NOL7: variants seen among roughly 807,000 people sequenced by gnomAD.
NOL7 encodes the protein U3 small nucleolar RNA-associated protein NOL7.
In NOL7, 36 loss-of-function variants were observed where a neutral mutation model predicts 38.4. That is an observed-to-expected ratio of 0.94 (90% CI 0.72 to 1.24). The LOEUF is 1.24. NOL7 is among the 50% of genes most tolerant of loss of function. NOL7 has a pLI of 0.00. For synonymous variants in NOL7, 142 were observed against 126.5 expected (o/e 1.12, Z -0.82); for missense variants, 350 against 315.1 (o/e 1.11, Z -0.84).
intron 7 of NOL7, 66 bp downstream of exon 7, chr6:13,620,551 A>G: frequency 6.9e-7 from 1 of 1,459,292 alleles, no homozygotes; most frequent in Non-Finnish European, 9.6e-7. Flanking sequence ...CTTTTGAAGG[A>G]GATAGTTCAT....
At chr6:13,630,207 G>A (rs1459429015) in intron 8 of NOL7, among the ~76,000 whole-genome samples, 2 of 152,162 alleles carry the variant, frequency 1.3e-5, no homozygotes, top group Non-Finnish European at 2.9e-5. Context: ...GCAGCTCAGA[G>A]TATTAAGAAA....
chr6:13,620,657 C>A, intron 7 of NOL7, 97 bp from the exon 8 acceptor site: 1 of 984,548 alleles, frequency 1.0e-6, no homozygotes, highest in South Asian at 1.6e-5. Context: ...TATAATAAGC[C>A]CACCCAGTTT....
At chr6:13,625,767 G>A, downstream of NOL7, 1 of 1,572,094 alleles carries the variant, frequency 6.4e-7, no homozygotes, top group Non-Finnish European at 8.8e-7. Context: ...AATGCATCCT[G>A]TTGAAAACAC....
At position 13,615,423 on chromosome 6, in the gene NOL7, G is replaced by T; in HGVS notation, c.65G>T (p.Gly22Val). 1.3e-6 allele frequency: 2 copies of T among 1,547,178 alleles called. No individual in the cohort carries two copies. Among genetic ancestry groups the T allele is most frequent in the Non-Finnish European group, 1.7e-6 (2 of 1,145,838 alleles). Residue 22 changes from glycine (G) to valine (V), a missense_variant, in exon 1 of 8, where the codon GGC becomes GTC. By Grantham distance (109) the Gly-to-Val change is moderately radical. Coordinates refer to ENST00000451315, the MANE Select transcript of NOL7 (RefSeq NM_016167.5). ...PASAEAMVDE[G>V]QLASEEEEAE... ...TCGGCGGAGGCGATGGTGGACGAGGGCCAGCTGGCCTCGGAGGAGGAGGAG... is the reference window on the plus strand; with the variant it reads ...TCGGCGGAGGCGATGGTGGACGAGGTCCAGCTGGCCTCGGAGGAGGAGGAG...
In NOL7 at chr6:13,616,453, A is replaced by G. The variant is rs1255308642; in HGVS notation, c.328-10A>G. 3 of 1,595,924 alleles carry G rather than the reference A, an allele frequency of 1.9e-6. No individual in the cohort carries two copies. The highest frequency in any genetic ancestry group is 2.6e-6 in the Non-Finnish European group (3 of 1,168,224). ...CTTTCTATTAATTTTAAACGTTTTC[A>G]TTCCAAAAGAAAAGAAAACTCCTTC... On this transcript the variant is annotated splice_polypyrimidine_tract_variant and intron_variant, in intron 2 of 7. Transcript: ENST00000451315.
intron 8 of NOL7, among the ~76,000 whole-genome samples, chr6:13,629,388 GATACATGCACATGGGAGTTAAGGCACA>G (rs1384455923): frequency 6.6e-6 from 1 of 152,198 alleles, no homozygotes; most frequent in Admixed American, 6.5e-5. Context: ...AGCTAGTTAA[GATACATGCACATGGGAGTTAAGGCACA>G]AAACTGAAAA....
downstream of NOL7, among the ~76,000 whole-genome samples, chr6:13,623,776 T>G (rs114613025): frequency 5.6e-3 from 854 of 152,330 alleles, 12 homozygotes; most frequent in African/African-American, 0.019. Context: ...TCATTAATTT[T>G]ACAGGAATCG....
chr6:13,622,509 T>A (rs199638648), downstream of NOL7: 13 of 1,551,436 alleles, frequency 8.4e-6, no homozygotes, highest in East Asian at 2.3e-4. Flanking sequence ...AAAAATAATT[T>A]AAAAATGAGA....
chr6:13,624,290 A>C (rs1764537874), downstream of NOL7, among the ~76,000 whole-genome samples: 1 of 152,220 alleles, frequency 6.6e-6, no homozygotes, highest in Non-Finnish European at 1.5e-5. Flanking sequence ...CTTCCTTTAC[A>C]TTCTTGCTGT....
downstream of NOL7, chr6:13,622,420 A>G: frequency 1.2e-6 from 2 of 1,603,724 alleles, no homozygotes; most frequent in Non-Finnish European, 1.7e-6. Context: ...TGATCGAGCC[A>G]TCAGTCCTAG....
chr6:13,625,917 A>G (rs1764589328), downstream of NOL7, among the ~76,000 whole-genome samples: 1 of 152,180 alleles, frequency 6.6e-6, no homozygotes, highest in South Asian at 2.1e-4. Flanking sequence ...GACGCTCTAC[A>G]TTTTTGAACA....
chr6:13,615,780 G>A lies in NOL7; in HGVS notation c.327+8G>A. 6.2e-7 allele frequency: 1 copy of A among 1,607,582 alleles called. No individual in the cohort carries two copies. The highest frequency in any genetic ancestry group is 8.5e-7 in the Non-Finnish European group (1 of 1,177,924). On this transcript the variant is annotated splice_region_variant and intron_variant, in intron 2 of 7. Transcript: ENST00000451315. ...CTGTTCATCGAACAGAAGGTTAGAGGCTAGGGAGGAGGTGTCTTATTAAAA... is the reference window on the plus strand; with the variant it reads ...CTGTTCATCGAACAGAAGGTTAGAGACTAGGGAGGAGGTGTCTTATTAAAA...
Position 13,620,649 on chromosome 6 carries a change from T to A in NOL7, c.701-105T>A. On this transcript the variant is annotated intron_variant, in intron 7 of 7. Coordinates refer to ENST00000451315, the MANE Select transcript of NOL7 (RefSeq NM_016167.5). Reference sequence around the variant, plus strand: ...GTAGTATGTATATACATCTAAAGTATAATAAGCCCACCCAGTTTTAGTAAT... The same window carrying A: ...GTAGTATGTATATACATCTAAAGTAAAATAAGCCCACCCAGTTTTAGTAAT... 3 of 978,826 alleles carry A rather than the reference T, an allele frequency of 3.1e-6. No individual in the cohort carries two copies. In the East Asian group the frequency reaches 7.9e-5, roughly 26 times the overall value. 60.6% of individuals were successfully genotyped at this position (978,826 alleles called of 1,614,324 possible). A position where few individuals can be genotyped will look rare whatever the true frequency, so the allele number is the denominator to read the frequency against.
chr6:13,631,051 G>A (rs566886887), intron 8 of NOL7, among the ~76,000 whole-genome samples: 31 of 151,962 alleles, frequency 2.0e-4, no homozygotes, highest in Non-Finnish European at 4.3e-4. Flanking sequence ...CTCATGATCC[G>A]CCCGCCTCAG....
chr6:13,623,550 T>C (rs1242885796), downstream of NOL7, among the ~76,000 whole-genome samples: 3 of 152,190 alleles, frequency 2.0e-5, no homozygotes, highest in Admixed American at 6.5e-5. Context: ...GAAAGTGTGG[T>C]GTCTTGAGGG....
At chr6:13,625,911 C>G (rs1343648201), downstream of NOL7, 1 of 555,788 alleles carries the variant, frequency 1.8e-6, no homozygotes, top group East Asian at 2.9e-5. Flanking sequence ...CACTGGGACG[C>G]TCTACATTTT....
intron 8 of NOL7, among the ~76,000 whole-genome samples, chr6:13,628,096 T>C (rs1441256806): frequency 1.3e-5 from 2 of 152,236 alleles, no homozygotes; most frequent in African/African-American, 4.8e-5. Flanking sequence ...ATATGGATCA[T>C]CTATTTAATC....
chr6:13,625,584 A>T, downstream of NOL7: 1 of 1,062,544 alleles, frequency 9.4e-7, no homozygotes, highest in Non-Finnish European at 1.4e-6. Context: ...TGTAAATGCC[A>T]GTACAAACAC....
chr6:13,629,133 C>T (rs958407436), intron 8 of NOL7, among the ~76,000 whole-genome samples: 1 of 152,126 alleles, frequency 6.6e-6, no homozygotes, highest in Admixed American at 6.5e-5. Context: ...TTTTTTGAGA[C>T]AGGGTCTTGC....
Sources: gnomAD v4.1 joint callset for allele counts (sites outside exome capture counted in the v4.1 genomes callset) on GRCh38, gnomAD v4.1.1 for gene constraint, MANE v1.5 for transcripts, NCBI Gene and HGNC (gene_info 2026-07-23, HGNC 2026-07-21) for gene names.